C1orf87: variants seen among roughly 807,000 people sequenced by gnomAD.
C1orf87 encodes the protein chromosome 1 open reading frame 87, also known as uncharacterized protein C1orf87.
In C1orf87, 58 loss-of-function variants were observed where a neutral mutation model predicts 60.5. The observed-to-expected ratio is 0.96, with a 90% CI of 0.78 to 1.19. C1orf87 has a LOEUF of 1.19. C1orf87 is among the 50% of genes most tolerant of loss of function. The probability of loss-of-function intolerance (pLI) is 0.00; values close to 1 mark genes in which losing one functional copy is unlikely to be tolerated. For missense variants in C1orf87, 673 were observed against 638.6 expected (o/e 1.05, Z -0.58); for synonymous variants, 236 against 227.4 (o/e 1.04, Z -0.34).
rs1452519768 is a variant in C1orf87 at position 59,990,630 on chromosome 1, G to C, written c.*43C>G. ...GGAGAAACATGTGTCTGGGTAAAAA[G>C]GGAGATAAGGGAAACATCTGTTCTC... On this transcript the variant is annotated 3_prime_UTR_variant, in exon 12 of 12. Transcript: ENST00000371201. 6.3e-7 allele frequency: 1 copy of C among 1,599,862 alleles called. No homozygotes were observed. The highest frequency in any genetic ancestry group is 1.1e-5 in the South Asian group (1 of 90,196).
intron 9 of C1orf87, among the ~76,000 whole-genome samples, chr1:60,010,182 A>G (rs1418363677): frequency 6.6e-6 from 1 of 152,022 alleles, no homozygotes. Flanking sequence ...TAAAACTTGG[A>G]GAATTGTGCC....
intron 3 of C1orf87, among the ~76,000 whole-genome samples, chr1:60,054,234 G>A (rs990681671): frequency 1.3e-5 from 2 of 152,152 alleles, no homozygotes; most frequent in Non-Finnish European, 2.9e-5. Context: ...TCATGTTTTG[G>A]GAAAGTCACT....
intron 8 of C1orf87, among the ~76,000 whole-genome samples, chr1:60,011,483 C>G (rs534728584): frequency 2.7e-3 from 414 of 152,098 alleles, no homozygotes; most frequent in Non-Finnish European, 4.4e-3. Context: ...CTGCCTTACT[C>G]TTTGGTTCTA....
chr1:60,063,868 C>T (rs1193795761), intron 2 of C1orf87, among the ~76,000 whole-genome samples: 8 of 152,042 alleles, frequency 5.3e-5, no homozygotes, highest in Non-Finnish European at 1.5e-5. Flanking sequence ...ATGGCCAGTA[C>T]TGAGTGTCAA....
intron 3 of C1orf87, among the ~76,000 whole-genome samples, chr1:60,047,563 G>T (rs74659843): frequency 0.18 from 27,799 of 152,054 alleles, 2,936 homozygotes; most frequent in South Asian, 0.28. Flanking sequence ...TCATTGCTTC[G>T]GGCCTAGTCA....
chr1:60,049,949 A>G (rs1032777909), intron 3 of C1orf87, among the ~76,000 whole-genome samples: 9 of 151,984 alleles, frequency 5.9e-5, no homozygotes, highest in Non-Finnish European at 1.3e-4. Context: ...TTTTCTTTTC[A>G]ATTTCATTGG....
chr1:59,990,562 G>A lies in C1orf87; in HGVS notation c.*111C>T, dbSNP rs111753017. 3.1e-3 allele frequency: 3,952 copies of A among 1,280,770 alleles called. 111 individuals are homozygous for A. In the African/African-American group the frequency reaches 0.052, roughly 17 times the overall value. The allele number at this position is 1,280,770 out of a possible 1,614,324, so 79.3% of individuals were successfully genotyped here. A position where few individuals can be genotyped will look rare whatever the true frequency, so the allele number is the denominator to read the frequency against. On this transcript the variant is annotated 3_prime_UTR_variant, in exon 12 of 12. Transcript: ENST00000371201. ...CAAAAGCATCTACAATAGCTGCATC[G>A]GCCTCCACTCTGACAATGCCTCCGC...
At chr1:60,034,992 C>T (rs1259165196) in intron 6 of C1orf87, among the ~76,000 whole-genome samples, 2 of 151,730 alleles carry the variant, frequency 1.3e-5, no homozygotes, top group Non-Finnish European at 2.9e-5. Context: ...TTCTGAACTA[C>T]TTAATAATAT....
At chr1:60,013,437 A>G (rs527589755) in intron 8 of C1orf87, among the ~76,000 whole-genome samples, 1 of 152,040 alleles carries the variant, frequency 6.6e-6, no homozygotes, top group South Asian at 2.1e-4. Context: ...ATATTTACCA[A>G]AATTCTTTCT....
chr1:60,026,031 T>G (rs1221380605), intron 7 of C1orf87, among the ~76,000 whole-genome samples: 1 of 152,164 alleles, frequency 6.6e-6, no homozygotes, highest in Non-Finnish European at 1.5e-5. Flanking sequence ...GATAAATAGT[T>G]ATTGAATGAA....
chr1:60,020,780 C>T (rs1645157797), intron 8 of C1orf87, among the ~76,000 whole-genome samples: 1 of 152,136 alleles, frequency 6.6e-6, no homozygotes, highest in Admixed American at 6.6e-5. Flanking sequence ...TGACTTAAGA[C>T]TTTGAGGGAC....
intron 3 of C1orf87, among the ~76,000 whole-genome samples, chr1:60,047,474 G>A (rs958812416): frequency 6.6e-6 from 1 of 152,052 alleles, no homozygotes; most frequent in African/African-American, 2.4e-5. Flanking sequence ...CATTGCTTTC[G>A]TTATAAGTGG....
At chr1:60,018,541 T>C (rs368489805) in intron 8 of C1orf87, among the ~76,000 whole-genome samples, 10 of 152,362 alleles carry the variant, frequency 6.6e-5, no homozygotes, top group African/African-American at 2.2e-4. Context: ...CAAATATCTA[T>C]TGAGTCTCTA....
intron 8 of C1orf87, among the ~76,000 whole-genome samples, chr1:60,022,308 T>C (rs116150846): frequency 1.3e-5 from 2 of 151,868 alleles, no homozygotes; most frequent in Non-Finnish European, 2.9e-5. Context: ...AATGGTAGTG[T>C]GGATGGGTGT....
chr1:60,053,186 A>G (rs1038188931), intron 3 of C1orf87, among the ~76,000 whole-genome samples: 2 of 152,224 alleles, frequency 1.3e-5, no homozygotes, highest in African/African-American at 2.4e-5. Context: ...ATGTCTATAT[A>G]TAAGAGAAAA....
intron 9 of C1orf87, among the ~76,000 whole-genome samples, chr1:60,007,576 A>G (rs1254948446): frequency 6.6e-6 from 1 of 152,008 alleles, no homozygotes; most frequent in Non-Finnish European, 1.5e-5. Flanking sequence ...ACCTCCTTTC[A>G]CAGAGAGCTT....
At chr1:60,024,373 G>A (rs1468998696) in intron 8 of C1orf87, among the ~76,000 whole-genome samples, 3 of 152,124 alleles carry the variant, frequency 2.0e-5, no homozygotes, top group Non-Finnish European at 2.9e-5. Context: ...ACTTTTTTAA[G>A]GTTTCTACTC....
Position 60,000,058 on chromosome 1 carries a change from G to T in C1orf87, c.1272+1019C>A, listed in dbSNP as rs111862085. 4.0e-3 allele frequency among the ~76,000 whole-genome samples: 611 copies of T among 152,264 alleles called. 2 individuals are homozygous for T. Among genetic ancestry groups the T allele is most frequent in the African/African-American group, 0.014 (567 of 41,552 alleles). On this transcript the variant is annotated intron_variant, in intron 10 of 11. Transcript: ENST00000371201. ...CCTCTACCAGAGATCCAGAGGTTGA[G>T]CCTGTGAGATAGTTTTTAATGTATC... is the stretch of plus-strand genomic sequence containing the variant.
At chr1:60,066,256 A>G (rs1645545264) in intron 2 of C1orf87, among the ~76,000 whole-genome samples, 1 of 152,158 alleles carries the variant, frequency 6.6e-6, no homozygotes, top group South Asian at 2.1e-4. Context: ...GTAACATATG[A>G]TGCTGTTTGA....
Sources: allele counts gnomAD v4.1 joint callset (sites outside exome capture counted in the v4.1 genomes callset), GRCh38; gene constraint gnomAD v4.1.1; transcripts MANE v1.5; gene names NCBI Gene and HGNC (gene_info 2026-07-23, HGNC 2026-07-21).